The following SGMS2 variants were observed in gnomAD, a reference collection of about 807,000 sequenced individuals.
SGMS2 encodes sphingomyelin synthase 2, also known as phosphatidylcholine:ceramide cholinephosphotransferase 2.
Under a neutral mutation model 43.8 loss-of-function variants are expected in SGMS2, and 21 were observed. The observed-to-expected ratio is 0.48, with a 90% CI of 0.34 to 0.69. SGMS2 has a LOEUF of 0.69. Among genes scored for constraint, SGMS2 ranks in the 30% least tolerant of loss-of-function variants. SGMS2 has a pLI of 0.01. For missense variants in SGMS2, 384 were observed against 443.2 expected (o/e 0.87, Z 1.20); for synonymous variants, 167 against 160.6 (o/e 1.04, Z -0.30).
rs142700108 is a variant in SGMS2 at position 107,849,158 on chromosome 4, C to T, written c.-326-9314C>T. Among the ~76,000 whole-genome samples the T allele has an allele frequency of 5.7e-3, 862 of 152,144 alleles. 8 individuals are homozygous for T. Among genetic ancestry groups the T allele is most frequent in the African/African-American group, 0.02 (824 of 41,502 alleles). On this transcript the variant is annotated intron_variant, in intron 1 of 6. Transcript: ENST00000690982. ...ATGCTTAATTTCTGCTTGAGTTCCT[C>T]GTGTTCCCTCTGTAAACCTTTCATG... is the stretch of plus-strand genomic sequence containing the variant.
chr4:107,891,334 A>G (rs971850740), intron 2 of SGMS2, among the ~76,000 whole-genome samples: 13 of 152,166 alleles, frequency 8.5e-5, no homozygotes, highest in African/African-American at 2.9e-4. Context: ...GCAAAAAAAA[A>G]ATGATTGCAC....
chr4:107,886,703 A>C (rs1323982230), intron 2 of SGMS2: 1 of 152,042 alleles, frequency 6.6e-6, no homozygotes, highest in East Asian at 1.9e-4. Flanking sequence ...CTGTGTAGAC[A>C]TGTATGAGGC....
chr4:107,886,130 T>C (rs747851773), intron 2 of SGMS2, among the ~76,000 whole-genome samples: 1 of 152,002 alleles, frequency 6.6e-6, no homozygotes, highest in East Asian at 1.9e-4. Context: ...CATCAGAGAG[T>C]AAAAATGGTA....
intron 2 of SGMS2, among the ~76,000 whole-genome samples, chr4:107,880,806 A>G (rs115326439): frequency 0.027 from 4,107 of 150,902 alleles, 129 homozygotes; most frequent in East Asian, 0.1. Flanking sequence ...GTGAGCCAAG[A>G]TCGTGCCACT....
At chr4:107,880,593 C>T (rs1452831141) in intron 2 of SGMS2, among the ~76,000 whole-genome samples, 2 of 152,062 alleles carry the variant, frequency 1.3e-5, no homozygotes, top group Non-Finnish European at 2.9e-5. Flanking sequence ...CGATGGCTCA[C>T]ACCTATAATC....
chr4:107,832,124 G>A (rs1403027660), intron 1 of SGMS2, among the ~76,000 whole-genome samples: 1 of 152,150 alleles, frequency 6.6e-6, no homozygotes, highest in African/African-American at 2.4e-5. Context: ...TCAGCGAGTT[G>A]TTGAACCACC....
At chr4:107,886,852 A>T (rs1252954292) in intron 2 of SGMS2, 35 of 152,316 alleles carry the variant, frequency 2.3e-4, no homozygotes, top group Admixed American at 2.2e-3. Flanking sequence ...ACAGATTCTT[A>T]TTGCACTTAC....
chr4:107,829,114 CTT>C, intron 1 of SGMS2, among the ~76,000 whole-genome samples: 2 of 152,292 alleles, frequency 1.3e-5, no homozygotes, highest in African/African-American at 2.4e-5. Flanking sequence ...ATTTAGCAGA[CTT>C]ATCACTACCT....
At chr4:107,846,957 CTTGT>C (rs1188089930) in intron 1 of SGMS2, among the ~76,000 whole-genome samples, 1 of 151,708 alleles carries the variant, frequency 6.6e-6, no homozygotes, top group Admixed American at 6.6e-5. Flanking sequence ...TTTTGATGGG[CTTGT>C]TTGTTTTTTT....
Position 107,908,658 on chromosome 4 carries a change from C to T in SGMS2, c.821C>T (p.Thr274Ile). Residue 274 changes from threonine to isoleucine, a missense_variant, in exon 6 of 7, where the codon ACT (threonine) becomes ATT (isoleucine). Transcript: ENST00000690982. ...ICILVAHEHY[T>I]IDVIIAYYIT... ...ATTCTTGTAGCACACGAACACTACACTATCGATGTGATCATTGCTTATTAT... is the reference window on the plus strand; with the variant it reads ...ATTCTTGTAGCACACGAACACTACATTATCGATGTGATCATTGCTTATTAT... 6.2e-7 allele frequency: 1 copy of T among 1,614,000 alleles called. No individual in the cohort carries two copies. The highest frequency in any genetic ancestry group is 1.1e-5 in the South Asian group (1 of 91,080).
chr4:107,860,828 G>A (rs1727691791), intron 2 of SGMS2, among the ~76,000 whole-genome samples: 1 of 152,050 alleles, frequency 6.6e-6, no homozygotes, highest in African/African-American at 2.4e-5. Flanking sequence ...CCTGGCCAAG[G>A]TTTTCTTATT....
chr4:107,846,417 C>A (rs1340967459), intron 1 of SGMS2, among the ~76,000 whole-genome samples: 1 of 151,210 alleles, frequency 6.6e-6, no homozygotes, highest in Non-Finnish European at 1.5e-5. Flanking sequence ...CCAATTTTAT[C>A]CATGTCCCTA....
In SGMS2 at chr4:107,899,555, A is replaced by T. The variant is rs770106198; in HGVS notation, c.456-20A>T. 3.2e-6 allele frequency: 5 copies of T among 1,566,382 alleles called. No homozygotes were observed. The East Asian group carries it at 1.1e-4, about 35-fold the overall frequency. ...CCAACCAGTAAACTTGTTTTTCCCC[A>T]TCCCTATTTTTTCTTTTAGGTCAAT... On this transcript the variant is annotated intron_variant, in intron 3 of 6. Transcript: ENST00000690982.
rs1730596416 is a variant in SGMS2, at chr4:107,895,577, A to T, written c.24A>T (p.Lys8Asn). The T allele has an allele frequency of 6.2e-7, 1 of 1,613,760 alleles. No homozygotes were observed. The highest frequency in any genetic ancestry group is 1.1e-5 in the South Asian group (1 of 91,064). The change falls in exon 3 of 7, where the codon AAA becomes AAT. Residue 8 changes from lysine to asparagine, a missense_variant. Lys to Asn is a moderately conservative substitution (Grantham distance 94, BLOSUM62 0). Coordinates refer to ENST00000690982, the MANE Select transcript of SGMS2 (RefSeq NM_001375905.1). MDIIETA[K>N]LEEHLENQPS... ...CAATGGATATCATAGAGACAGCAAA[A>T]CTTGAAGAACATTTGGAAAATCAAC...
At chr4:107,846,209 C>T (rs28521277) in intron 1 of SGMS2, among the ~76,000 whole-genome samples, 1,599 of 149,128 alleles carry the variant, frequency 0.011, 37 homozygotes, top group African/African-American at 0.038. Context: ...TGTGCTGCAC[C>T]CATTAACTTG....
intron 2 of SGMS2, among the ~76,000 whole-genome samples, chr4:107,891,950 A>G (rs1730254783): frequency 6.6e-6 from 1 of 152,058 alleles, no homozygotes. Context: ...GCAAGCTTCC[A>G]GCTTGCTTAT....
chr4:107,878,794 A>C (rs557438069), intron 2 of SGMS2, among the ~76,000 whole-genome samples: 8 of 152,290 alleles, frequency 5.3e-5, no homozygotes, highest in African/African-American at 1.9e-4. Flanking sequence ...TTAATCATTA[A>C]ATTTTCCAGT....
chr4:107,835,382 T>C (rs1311298129), intron 1 of SGMS2, among the ~76,000 whole-genome samples: 1 of 152,210 alleles, frequency 6.6e-6, no homozygotes, highest in Non-Finnish European at 1.5e-5. Flanking sequence ...TTGGAGTCAC[T>C]TTGCGACTTT....
chr4:107,829,145 A>C (rs1327062241), intron 1 of SGMS2, among the ~76,000 whole-genome samples: 4 of 152,230 alleles, frequency 2.6e-5, no homozygotes, highest in Non-Finnish European at 4.4e-5. Flanking sequence ...AGTTCCATCC[A>C]TTTTAAATAG....
Sources: allele counts gnomAD v4.1 joint callset (sites outside exome capture counted in the v4.1 genomes callset), GRCh38; gene constraint gnomAD v4.1.1; transcripts MANE v1.5; gene names NCBI Gene and HGNC (gene_info 2026-07-23, HGNC 2026-07-21).